Variants in TNFRSF8 observed in about 807,000 individuals in gnomAD.
TNFRSF8 encodes TNF receptor superfamily member 8.
A neutral mutation model predicts 70.8 loss-of-function variants in TNFRSF8; 26 were observed. That is an observed-to-expected ratio of 0.37 (90% confidence interval 0.27 to 0.51). The LOEUF is 0.51. TNFRSF8 is among the 20% of genes least tolerant of loss of function. TNFRSF8 has a pLI of 0.94. For synonymous variants in TNFRSF8, 356 were observed against 339.2 expected (o/e 1.05, Z -0.54); for missense variants, 720 against 807.9 (o/e 0.89, Z 1.32).
At chr1:12,127,340 G>T (rs1641960130) in intron 12 of TNFRSF8, among the ~76,000 whole-genome samples, 1 of 152,270 alleles carries the variant, frequency 6.6e-6, no homozygotes, top group African/African-American at 2.4e-5. Context: ...GGAGGAGGCA[G>T]GGCTCAGCAA....
At chr1:12,135,680 T>C (rs1270817998) in intron 13 of TNFRSF8, 67 bp downstream of exon 13, 1 of 1,597,434 alleles carries the variant, frequency 6.3e-7, no homozygotes, top group African/African-American at 1.3e-5. Flanking sequence ...CCCTAACAGA[T>C]CTGAAGTTTT....
Position 12,138,500 on chromosome 1 carries a change from CCCTGGGCCCTGGAAGGGA to C in TNFRSF8, c.1543+70_1543+87del. ...GGGCAGATGGGAGATGAATACGGGG[CCCTGGGCCCTGGAAGGGA>C]CCTGGAGACCCTGGAGTTGAAAGGC... is the stretch of plus-strand genomic sequence containing the variant. On this transcript the variant is annotated intron_variant, in intron 14 of 14. Transcript: ENST00000263932. This position sits in a 1 kb window ranked among gnomAD's most constrained non-coding sequence, Gnocchi z 5.7. 1.4e-6 allele frequency: 2 copies of C among 1,467,290 alleles called. No individual in the cohort carries two copies. Among genetic ancestry groups the C allele is most frequent in the Non-Finnish European group, 9.2e-7 (1 of 1,091,716 alleles). The allele number at this position is 1,467,290 out of a possible 1,614,324, so 90.9% of individuals were successfully genotyped here. A position where few individuals can be genotyped will look rare whatever the true frequency, so the allele number is the denominator to read the frequency against.
intron 3 of TNFRSF8, among the ~76,000 whole-genome samples, chr1:12,099,834 TGTGA>T (rs1018561342): frequency 6.6e-6 from 1 of 152,052 alleles, no homozygotes; most frequent in African/African-American, 2.4e-5. Context: ...TGTGACACAA[TGTGA>T]GTATTTGTGT....
At chr1:12,076,504 G>A (rs566798422) in intron 1 of TNFRSF8, among the ~76,000 whole-genome samples, 2 of 152,228 alleles carry the variant, frequency 1.3e-5, no homozygotes, top group Non-Finnish European at 2.9e-5. Context: ...GTGCTTGCCT[G>A]TCCCTGAGTT....
chr1:12,124,657 A>G (rs576760766), intron 10 of TNFRSF8, among the ~76,000 whole-genome samples: 87 of 152,156 alleles, frequency 5.7e-4, no homozygotes, highest in African/African-American at 1.7e-3. Context: ...CCACATCTCT[A>G]CTAAAAATAC....
intron 6 of TNFRSF8, among the ~76,000 whole-genome samples, chr1:12,111,255 C>T (rs1641624484): frequency 6.6e-6 from 1 of 151,976 alleles, no homozygotes; most frequent in South Asian, 2.1e-4. Context: ...GATCTCGGCT[C>T]ACTGCAACCT....
rs535895723 is a variant in TNFRSF8 at position 12,109,730 on chromosome 1, G to A, written c.512+74G>A. On this transcript the variant is annotated intron_variant, in intron 5 of 14. Coordinates refer to ENST00000263932, the MANE Select transcript of TNFRSF8 (RefSeq NM_001243.5). This position sits in a 1 kb window ranked among gnomAD's most constrained non-coding sequence, Gnocchi z 4.4. ...ATGAGGCTGCCCCACCCCACAGGAC[G>A]CCCATGGTACAACTGGGCTGGGGGT... 2.1e-4 allele frequency: 278 copies of A among 1,316,034 alleles called. 4 individuals carry two copies. The South Asian group carries it at 3.0e-3, about 14-fold the overall frequency. The allele number at this position is 1,316,034 out of a possible 1,614,324, so 81.5% of individuals were successfully genotyped here. A position where few individuals can be genotyped will look rare whatever the true frequency, so the allele number is the denominator to read the frequency against.
At chr1:12,080,365 G>A in intron 1 of TNFRSF8, 1 of 524,218 alleles carries the variant, frequency 1.9e-6, no homozygotes, top group South Asian at 1.4e-5. Context: ...CCACATCCAT[G>A]CCATAGAGCT....
In TNFRSF8 at chr1:12,135,037, C is replaced by A. The variant is rs111969637; in HGVS notation, c.1310-551C>A. On this transcript the variant is annotated intron_variant, in intron 12 of 14. Transcript: ENST00000263932. Reference sequence around the variant, plus strand: ...AGTCATTAGGAATGAGAGTGGCAGCCAGGTGTGGTGGCTCACGCCTGTAAT... The same window carrying A: ...AGTCATTAGGAATGAGAGTGGCAGCAAGGTGTGGTGGCTCACGCCTGTAAT... Among the ~76,000 whole-genome samples the A allele has an allele frequency of 1.1e-4, 17 of 152,018 alleles. 1 individual carries two copies. The highest frequency in any genetic ancestry group is 4.1e-4 in the African/African-American group (17 of 41,468).
intron 6 of TNFRSF8, 152 bp from the exon 7 acceptor site, chr1:12,111,746 A>C (rs1350519609): frequency 2.9e-6 from 2 of 688,218 alleles, no homozygotes; most frequent in East Asian, 5.3e-5. Flanking sequence ...GTCCTCTCTG[A>C]GCCTCAGGAC....
In TNFRSF8 at chr1:12,071,745, G is replaced by A. The variant is rs141554009; in HGVS notation, c.63+8084G>A. On this transcript the variant is annotated intron_variant, in intron 1 of 14. Coordinates refer to ENST00000263932, the MANE Select transcript of TNFRSF8 (RefSeq NM_001243.5). ...CGCCCGGCTAATTTTTGTATTTTTAGTACAGACAGGTTTCACCATGTTGGC... is the reference window on the plus strand; with the variant it reads ...CGCCCGGCTAATTTTTGTATTTTTAATACAGACAGGTTTCACCATGTTGGC... Among the ~76,000 whole-genome samples the A allele has an allele frequency of 1.2e-3, 187 of 152,186 alleles. 2 individuals are homozygous for A. Among genetic ancestry groups the A allele is most frequent in the East Asian group, 3.3e-3 (17 of 5,174 alleles).
rs1323492388 is a variant in TNFRSF8 at position 12,109,416 on chromosome 1, AACGGGTGCCAG to A, written c.422-149_422-139del. ...GATAGGCTGCTTTACTCTGAAGGGG[AACGGGTGCCAG>A]GCGGGTGCCACCTCCAGATGACTGC... On this transcript the variant is annotated intron_variant, in intron 4 of 14. Transcript: ENST00000263932. This position sits in a 1 kb window ranked among gnomAD's most constrained non-coding sequence, Gnocchi z 4.4. 4.9e-6 allele frequency: 3 copies of A among 609,892 alleles called. No individual in the cohort carries two copies. The highest frequency in any genetic ancestry group is 8.8e-6 in the Non-Finnish European group (3 of 342,120). 37.8% of individuals were successfully genotyped at this position (609,892 alleles called of 1,614,324 possible).
rs1641668686 is a variant in TNFRSF8 at position 12,113,501 on chromosome 1, C to G, written c.793+1487C>G. Among the ~76,000 whole-genome samples the G allele has an allele frequency of 6.6e-6, 1 of 150,718 alleles. No individual in the cohort carries two copies. On this transcript the variant is annotated intron_variant, in intron 7 of 14. Transcript: ENST00000263932. This position sits in a 1 kb window ranked among gnomAD's most constrained non-coding sequence, Gnocchi z 4.9. ...AAAAGTCTTGAGAGAGAGAGACAGA[C>G]AGAAAGAGAGAGTGAGAGAGAGACA...
At chr1:12,106,443 A>G (rs1361911887) in intron 4 of TNFRSF8, among the ~76,000 whole-genome samples, 1 of 152,122 alleles carries the variant, frequency 6.6e-6, no homozygotes, top group Non-Finnish European at 1.5e-5. Flanking sequence ...ATGTGGATAC[A>G]TACCTCTCTC....
chr1:12,072,877 G>A lies in TNFRSF8; in HGVS notation c.63+9216G>A, dbSNP rs74052990. The stretch of plus-strand genomic sequence containing the variant: ...AGGCACCCTTCCCACTCTTGATTCG[G>A]GTGAGGGAGGCCAGGACGCAGCGGC... On this transcript the variant is annotated intron_variant, in intron 1 of 14. Coordinates refer to ENST00000263932, the MANE Select transcript of TNFRSF8 (RefSeq NM_001243.5). Among the ~76,000 whole-genome samples, 1,392 of 152,274 alleles carry A rather than the reference G, an allele frequency of 9.1e-3. 14 individuals carry two copies. Among genetic ancestry groups the A allele is most frequent in the African/African-American group, 0.031 (1,293 of 41,576 alleles).
At position 12,083,546 on chromosome 1, in the gene TNFRSF8, G is replaced by C. The variant is rs555375332; in HGVS notation, c.64-918G>C. On this transcript the variant is annotated intron_variant, in intron 1 of 14. Transcript: ENST00000263932. ...TGCTAAAAATACAAAAACTAGCTGG[G>C]CATGGTGGCACACACCTGTAGTCTC... 1.2e-4 allele frequency among the ~76,000 whole-genome samples: 19 copies of C among 152,266 alleles called. No homozygotes were observed. The East Asian group carries it at 3.7e-3, about 29-fold the overall frequency.
intron 12 of TNFRSF8, among the ~76,000 whole-genome samples, chr1:12,129,079 T>A (rs1641998432): frequency 6.6e-6 from 1 of 152,030 alleles, no homozygotes; most frequent in African/African-American, 2.4e-5. Context: ...ATGATCCGCC[T>A]GCCTCGGCCT....
intron 1 of TNFRSF8, among the ~76,000 whole-genome samples, chr1:12,082,393 A>G (rs1379543107): frequency 1.3e-5 from 2 of 151,984 alleles, no homozygotes; most frequent in Non-Finnish European, 2.9e-5. Flanking sequence ...AAAAAAATAA[A>G]ACATTAGATG....
intron 12 of TNFRSF8, among the ~76,000 whole-genome samples, chr1:12,127,396 C>A (rs1313421121): frequency 6.6e-6 from 1 of 152,244 alleles, no homozygotes; most frequent in African/African-American, 2.4e-5. Flanking sequence ...GTGGCACAGC[C>A]AGCCTCAGGC....
Sources: allele counts gnomAD v4.1 joint callset (sites outside exome capture counted in the v4.1 genomes callset), GRCh38; gene constraint gnomAD v4.1.1; non-coding constraint Gnocchi (gnomAD v3.1); transcripts MANE v1.5; gene names NCBI Gene and HGNC (gene_info 2026-07-23, HGNC 2026-07-21).